TRIT1: variants seen among roughly 807,000 people sequenced by gnomAD.
TRIT1 encodes the protein tRNA dimethylallyltransferase.
A neutral mutation model predicts 51.2 loss-of-function variants in TRIT1; 43 were observed. That is an observed-to-expected ratio of 0.84 (90% CI 0.66 to 1.08). The LOEUF is 1.08. TRIT1 is among the 50% of genes least tolerant of loss of function. TRIT1 has a pLI of 0.00. For synonymous variants in TRIT1, 184 were observed against 203.9 expected, an observed-to-expected ratio of 0.90 and a Z score of 0.83; for missense variants, 528 against 578.4, an observed-to-expected ratio of 0.91 and a Z score of 0.89.
At chr1:39,847,810 T>G in intron 6 of TRIT1, 150 bp from the exon 7 acceptor site, 1 of 1,463,266 alleles carries the variant, frequency 6.8e-7, no homozygotes, top group African/African-American at 1.4e-5. Flanking sequence ...TCCCCTCCCC[T>G]ACCCACCAGG....
intron 1 of TRIT1, among the ~76,000 whole-genome samples, chr1:39,871,276 GCAA>G (rs1388319475): frequency 6.6e-6 from 1 of 152,176 alleles, no homozygotes; most frequent in East Asian, 1.9e-4. Flanking sequence ...TTGGACGCAT[GCAA>G]CAACATGGAA....
At chr1:39,851,042 G>C (rs1209122160) in intron 4 of TRIT1, among the ~76,000 whole-genome samples, 1 of 152,106 alleles carries the variant, frequency 6.6e-6, no homozygotes, top group Non-Finnish European at 1.5e-5. Flanking sequence ...CTGGGTGATT[G>C]CAACTTATCA....
chr1:39,880,650 T>G (rs1644228271), intron 1 of TRIT1, among the ~76,000 whole-genome samples: 1 of 151,828 alleles, frequency 6.6e-6, no homozygotes. Context: ...AATACAAAAA[T>G]TAGCCGAGCA....
chr1:39,867,971 G>A (rs569043707), intron 1 of TRIT1, among the ~76,000 whole-genome samples: 1 of 150,478 alleles, frequency 6.6e-6, no homozygotes, highest in African/African-American at 2.5e-5. Context: ...TCGAGATGGA[G>A]TCTCGCTCTG....
At chr1:39,878,581 G>A (rs1644144019) in intron 1 of TRIT1, among the ~76,000 whole-genome samples, 1 of 152,110 alleles carries the variant, frequency 6.6e-6, no homozygotes, top group Non-Finnish European at 1.5e-5. Context: ...CACACCAAAA[G>A]GAATTATTAA....
At chr1:39,855,773 CG>C (rs1396170303) in intron 2 of TRIT1, among the ~76,000 whole-genome samples, 9 of 152,030 alleles carry the variant, frequency 5.9e-5, no homozygotes, top group Non-Finnish European at 1.2e-4. Context: ...ACATACTTCA[CG>C]GGAAAAGGTT....
At chr1:39,852,931 A>G (rs1642671071) in intron 3 of TRIT1, 55 bp from the exon 4 acceptor site, 1 of 1,562,524 alleles carries the variant, frequency 6.4e-7, no homozygotes, top group African/African-American at 1.4e-5. Flanking sequence ...GAGACAGTGT[A>G]TGTGCCAGGC....
chr1:39,879,440 G>A (rs191148623), intron 1 of TRIT1, among the ~76,000 whole-genome samples: 2 of 152,090 alleles, frequency 1.3e-5, no homozygotes, highest in Admixed American at 1.3e-4. Context: ...TTTCTTAACT[G>A]TGAAGTGATA....
chr1:39,873,095 T>A (rs1481050828), intron 1 of TRIT1, among the ~76,000 whole-genome samples: 1 of 152,152 alleles, frequency 6.6e-6, no homozygotes, highest in Non-Finnish European at 1.5e-5. Flanking sequence ...TTCTATTCAG[T>A]GTGGGCCAGA....
At chr1:39,859,414 C>T (rs868858712) in intron 1 of TRIT1, among the ~76,000 whole-genome samples, 7 of 150,672 alleles carry the variant, frequency 4.6e-5, no homozygotes, top group Middle Eastern at 3.5e-3. Flanking sequence ...GGCTAAACTG[C>T]GGCTCTATAA....
chr1:39,880,268 TAAAAAAAAAAA>T (rs1553148795), intron 1 of TRIT1, among the ~76,000 whole-genome samples: 2 of 94,888 alleles, frequency 2.1e-5, no homozygotes, highest in South Asian at 3.6e-4. Flanking sequence ...AGACCTCAAA[TAAAAAAAAAAA>T]AAAAAAAAAA....
In TRIT1 at chr1:39,877,633, G is replaced by T. The variant is rs75536609; in HGVS notation, c.174+5685C>A. Among the ~76,000 whole-genome samples the T allele has an allele frequency of 3.5e-4, 54 of 152,192 alleles. No individual in the cohort carries two copies. In the East Asian group the frequency reaches 9.7e-3, roughly 27 times the overall value. On this transcript the variant is annotated intron_variant, in intron 1 of 10. Transcript: ENST00000316891. ...GCCATCATTGTACATGTTTGGCAAG[G>T]GCCTTCAATTTTCTCAGTACAATGT...
At position 39,841,435 on chromosome 1, in the gene TRIT1, T is replaced by G. The variant is rs1641896414; in HGVS notation, c.*309A>C. 1 of 208,462 alleles carries G rather than the reference T, an allele frequency of 4.8e-6. No homozygotes were observed. Among genetic ancestry groups the G allele is most frequent in the Non-Finnish European group, 9.5e-6 (1 of 105,674 alleles). The allele number at this position is 208,462 out of a possible 1,614,324, so 12.9% of individuals were successfully genotyped here. A position where few individuals can be genotyped will look rare whatever the true frequency, so the allele number is the denominator to read the frequency against. On this transcript the variant is annotated 3_prime_UTR_variant, in exon 11 of 11. Transcript: ENST00000316891. ...CTGGTATTCACCACAAAGAAGATCC[T>G]CATGTATAAAAATGTGGAATCTGTG... is the stretch of plus-strand genomic sequence containing the variant.
At chr1:39,875,474 C>T (rs934813179) in intron 1 of TRIT1, among the ~76,000 whole-genome samples, 3 of 151,536 alleles carry the variant, frequency 2.0e-5, no homozygotes, top group South Asian at 2.1e-4. Context: ...GGTGACAGAG[C>T]GAGACTCTGT....
intron 1 of TRIT1, among the ~76,000 whole-genome samples, chr1:39,880,243 C>G: frequency 7.1e-6 from 1 of 141,784 alleles, no homozygotes. Flanking sequence ...GCATTCCAGC[C>G]GGGGCAACAG....
At chr1:39,871,682 T>C (rs926642479) in intron 1 of TRIT1, among the ~76,000 whole-genome samples, 2 of 152,154 alleles carry the variant, frequency 1.3e-5, no homozygotes, top group Non-Finnish European at 2.9e-5. Flanking sequence ...TAAGACATTC[T>C]GGAAAAGGCA....
intron 1 of TRIT1, among the ~76,000 whole-genome samples, chr1:39,865,686 A>AAG (rs1553144747): frequency 1.5e-4 from 22 of 147,720 alleles, no homozygotes; most frequent in African/African-American, 5.6e-4. Flanking sequence ...AAAAAAAAAA[A>AAG]AAAAGAAAAG....
At chr1:39,869,147 TGC>T (rs1643725398) in intron 1 of TRIT1, among the ~76,000 whole-genome samples, 2 of 151,228 alleles carry the variant, frequency 1.3e-5, no homozygotes, top group Admixed American at 1.3e-4. Context: ...CTCCCTCTGA[TGC>T]AGACTGGAGG....
chr1:39,854,983 G>A (rs1427882322), intron 2 of TRIT1, among the ~76,000 whole-genome samples: 1 of 151,986 alleles, frequency 6.6e-6, no homozygotes, highest in African/African-American at 2.4e-5. Flanking sequence ...AAGTAGCTGG[G>A]ACTACAAGCA....
Sources: gnomAD v4.1 joint callset for allele counts (sites outside exome capture counted in the v4.1 genomes callset) on GRCh38, gnomAD v4.1.1 for gene constraint, MANE v1.5 for transcripts, NCBI Gene and HGNC (gene_info 2026-07-23, HGNC 2026-07-21) for gene names.